The following SPTB variants were observed in gnomAD, a reference collection of about 807,000 sequenced individuals.
SPTB encodes the protein spectrin beta, erythrocytic.
A neutral mutation model predicts 256.2 loss-of-function variants in SPTB; 45 were observed. The ratio of observed to expected loss-of-function variants is 0.18; its 90% confidence interval spans 0.14 to 0.23. The LOEUF (loss-of-function observed/expected upper bound fraction) is 0.23, where lower values mean the gene tolerates loss of function less well. Among genes scored for constraint, SPTB ranks in the 10% least tolerant of loss-of-function variants. The pLI, the probability that SPTB is intolerant of heterozygous loss-of-function variation, is 1.00. For missense variants in SPTB, 2,715 were observed against 3,040.4 expected, an observed-to-expected ratio of 0.89 and a Z score of 2.52; for synonymous variants, 1,231 against 1,243.1, an observed-to-expected ratio of 0.99 and a Z score of 0.21.
chr14:64,766,308 G>T, intron 32 of SPTB: 1 of 941,816 alleles, frequency 1.1e-6, no homozygotes, highest in Non-Finnish European at 1.4e-6. Context: ...CTGTGTGTAG[G>T]TGTGGGTGCA....
intron 2 of SPTB, among the ~76,000 whole-genome samples, chr14:64,809,410 A>T (rs1215629916): frequency 1.4e-5 from 2 of 147,984 alleles, no homozygotes; most frequent in Non-Finnish European, 3.0e-5. Context: ...CAGTGGTGTG[A>T]TCTCGGCTCA....
chr14:64,760,035 C>T lies in SPTB; in HGVS notation c.6346-6242G>A, dbSNP rs2082070698. Among the ~76,000 whole-genome samples, 2 of 152,140 alleles carry T rather than the reference C, an allele frequency of 1.3e-5. No individual in the cohort carries two copies. Among genetic ancestry groups the T allele is most frequent in the Admixed American group, 1.3e-4 (2 of 15,276 alleles). On this transcript the variant is annotated intron_variant, in intron 32 of 35. Transcript: ENST00000644917. This position sits in a 1 kb window ranked among gnomAD's most constrained non-coding sequence, Gnocchi z 4.3. ...GGCAGGGGACAAGCAGCATTGGTTG[C>T]TGGTTGACAGGGATCAGTGGAGAAG...
intron 1 of SPTB, among the ~76,000 whole-genome samples, chr14:64,835,614 G>A (rs544110839): frequency 1.3e-5 from 2 of 152,276 alleles, no homozygotes; most frequent in South Asian, 4.1e-4. Flanking sequence ...CACTAGAGTC[G>A]ATTCAGCCCT....
chr14:64,837,954 T>C (rs1039402770), intron 1 of SPTB, among the ~76,000 whole-genome samples: 1 of 151,950 alleles, frequency 6.6e-6, no homozygotes, highest in Non-Finnish European at 1.5e-5. Context: ...GCAAAGAAAA[T>C]AGAATAGACA....
At chr14:64,835,974 T>C (rs1281356003) in intron 1 of SPTB, among the ~76,000 whole-genome samples, 2 of 152,218 alleles carry the variant, frequency 1.3e-5, no homozygotes, top group African/African-American at 4.8e-5. Flanking sequence ...CATCCCGTGC[T>C]ACTGTGGGAG....
chr14:64,828,834 CT>C (rs1426014364), intron 1 of SPTB, among the ~76,000 whole-genome samples: 1 of 152,176 alleles, frequency 6.6e-6, no homozygotes, highest in Non-Finnish European at 1.5e-5. Flanking sequence ...TTGATGAAAA[CT>C]GCAGGAGGTA....
At chr14:64,817,830 T>G (rs368955218) in intron 2 of SPTB, among the ~76,000 whole-genome samples, 3 of 152,078 alleles carry the variant, frequency 2.0e-5, no homozygotes, top group Admixed American at 6.5e-5. Flanking sequence ...GCCAAGGAGG[T>G]GGGCGGGGAG....
At chr14:64,828,163 T>C (rs1194432416) in intron 1 of SPTB, among the ~76,000 whole-genome samples, 1 of 152,202 alleles carries the variant, frequency 6.6e-6, no homozygotes, top group Non-Finnish European at 1.5e-5. Flanking sequence ...TCGACTGCTG[T>C]TTGGTGAGGC....
chr14:64,879,070 T>A (rs762838660), intron 1 of SPTB, among the ~76,000 whole-genome samples: 1 of 152,082 alleles, frequency 6.6e-6, no homozygotes, highest in Non-Finnish European at 1.5e-5. Context: ...CAAGACCAAG[T>A]TAGAGGAAGA....
intron 1 of SPTB, among the ~76,000 whole-genome samples, chr14:64,836,903 G>C (rs1383681766): frequency 6.6e-6 from 1 of 152,176 alleles, no homozygotes; most frequent in East Asian, 1.9e-4. Context: ...ATTACTCAAA[G>C]GAGGTATGTC....
Position 64,827,010 on chromosome 14 carries a change from C to T in SPTB, c.-51-3865G>A, listed in dbSNP as rs1399465973. ...AACCCACAGCTCCAACCTTCACATC[C>T]GCCTTTGAGGTCCGATGCTAGGCTC... is the stretch of plus-strand genomic sequence containing the variant. On this transcript the variant is annotated intron_variant, in intron 1 of 35. Transcript: ENST00000644917. The surrounding 1 kb of genome is among the most constrained non-coding windows in gnomAD (Gnocchi z 4.6). Among the ~76,000 whole-genome samples the T allele has an allele frequency of 4.6e-5, 7 of 152,302 alleles. No homozygotes were observed. The South Asian group carries it at 1.2e-3, about 27-fold the overall frequency.
At chr14:64,833,733 G>T (rs229608) in intron 1 of SPTB, among the ~76,000 whole-genome samples, 8,695 of 152,096 alleles carry the variant, frequency 0.057, 895 homozygotes, top group African/African-American at 0.2. Flanking sequence ...CTGAGGTCAG[G>T]GACCATCCAT....
rs996843107 is a variant in SPTB, at chr14:64,823,445, G to T, written c.-51-300C>A. Among the ~76,000 whole-genome samples, 2 of 152,176 alleles carry T rather than the reference G, an allele frequency of 1.3e-5. No individual in the cohort carries two copies. The highest frequency in any genetic ancestry group is 2.9e-5 in the Non-Finnish European group (2 of 68,024). ...GCCAGCTGCTTCCTCCAGACCAGCC[G>T]CCCCGCCGCGGGGAGCACCCCGGGA... On this transcript the variant is annotated intron_variant, in intron 1 of 35. Coordinates refer to ENST00000644917, the MANE Select transcript of SPTB (RefSeq NM_001355436.2). This position sits in a 1 kb window ranked among gnomAD's most constrained non-coding sequence, Gnocchi z 6.5.
At chr14:64,832,648 A>AC (rs992762429) in intron 1 of SPTB, among the ~76,000 whole-genome samples, 1 of 151,582 alleles carries the variant, frequency 6.6e-6, no homozygotes, top group Non-Finnish European at 1.5e-5. Context: ...GTTCACCCTA[A>AC]CCCCCAGTGG....
Position 64,823,437 on chromosome 14 carries a change from G to A in SPTB, c.-51-292C>T, listed in dbSNP as rs2083328917. 6.6e-6 allele frequency among the ~76,000 whole-genome samples: 1 copy of A among 152,298 alleles called. No individual in the cohort carries two copies. The highest frequency in any genetic ancestry group is 1.9e-4 in the East Asian group (1 of 5,178). On this transcript the variant is annotated intron_variant, in intron 1 of 35. Transcript: ENST00000644917. The surrounding 1 kb of genome is among the most constrained non-coding windows in gnomAD (Gnocchi z 6.5). ...CAGTCGCAGCCAGCTGCTTCCTCCA[G>A]ACCAGCCGCCCCGCCGCGGGGAGCA...
chr14:64,760,662 G>A lies in SPTB; in HGVS notation c.6345+6064C>T, dbSNP rs187317935. Among the ~76,000 whole-genome samples the A allele has an allele frequency of 5.3e-5, 8 of 152,320 alleles. No homozygotes were observed. The highest frequency in any genetic ancestry group is 5.2e-4 in the Admixed American group (8 of 15,306). On this transcript the variant is annotated intron_variant, in intron 32 of 35. Transcript: ENST00000644917. This position sits in a 1 kb window ranked among gnomAD's most constrained non-coding sequence, Gnocchi z 4.3. ...CTACTTTTAAGAGATGAAGGACTGAGGTGGGGGATGGAGAAAAATGAAGGG... is the reference window on the plus strand; with the variant it reads ...CTACTTTTAAGAGATGAAGGACTGAAGTGGGGGATGGAGAAAAATGAAGGG...
At chr14:64,788,234 A>G (rs1339991752) in intron 15 of SPTB, among the ~76,000 whole-genome samples, 1 of 152,196 alleles carries the variant, frequency 6.6e-6, no homozygotes, top group Admixed American at 6.5e-5. Context: ...ACACACCCCC[A>G]GTGCCTCCAC....
intron 1 of SPTB, among the ~76,000 whole-genome samples, chr14:64,855,992 C>T (rs976943171): frequency 5.9e-5 from 9 of 152,342 alleles, no homozygotes; most frequent in East Asian, 3.9e-4. Context: ...GCCCAGGCTC[C>T]GGCCCGAGGA....
intron 1 of SPTB, among the ~76,000 whole-genome samples, chr14:64,837,751 T>C (rs1309514794): frequency 1.3e-5 from 2 of 152,076 alleles, no homozygotes; most frequent in East Asian, 3.9e-4. Context: ...CAGGTGTCTG[T>C]CACCACGCCC....
Sources: allele counts gnomAD v4.1 joint callset (sites outside exome capture counted in the v4.1 genomes callset), GRCh38; gene constraint gnomAD v4.1.1; non-coding constraint Gnocchi (gnomAD v3.1); transcripts MANE v1.5; gene names NCBI Gene and HGNC (gene_info 2026-07-23, HGNC 2026-07-21).